WDR48: variants seen among roughly 807,000 people sequenced by gnomAD.
WDR48 encodes WD repeat-containing protein 48.
In WDR48, 22 loss-of-function variants were observed where a neutral mutation model predicts 94.0. The observed-to-expected ratio is 0.23, with a 90% confidence interval of 0.17 to 0.33. The LOEUF is 0.33. Ranked by LOEUF, WDR48 falls within the 10% of genes least tolerant of loss-of-function variation. The pLI, the probability that WDR48 is intolerant of heterozygous loss-of-function variation, is 1.00. For synonymous variants in WDR48, 278 were observed against 280.5 expected (o/e 0.99, Z 0.09); for missense variants, 541 against 813.8 (o/e 0.66, Z 4.08).
At position 39,063,138 on chromosome 3, in the gene WDR48, T is replaced by C. The variant is rs199705206; in HGVS notation, c.137T>C (p.Phe46Ser). Reference sequence around the variant, plus strand: ...CTGGATCCAGCACTAAATAGACTTTTCACAGCCGGTCGAGACTCTATCATA... The same window carrying C: ...CTGGATCCAGCACTAAATAGACTTTCCACAGCCGGTCGAGACTCTATCATA... ...LQLDPALNRL[F>S]TAGRDSIIRI... Residue 46 changes from phenylalanine (F) to serine (S), a missense_variant, in exon 2 of 19, where the codon TTC (phenylalanine) becomes TCC (serine). Phe to Ser is a radical substitution (Grantham distance 155). Transcript: ENST00000302313. The C allele has an allele frequency of 6.2e-7, 1 of 1,614,084 alleles. No homozygotes were observed. The highest frequency in any genetic ancestry group is 8.5e-7 in the Non-Finnish European group (1 of 1,179,992).
intron 1 of WDR48, among the ~76,000 whole-genome samples, chr3:39,053,824 A>G (rs2032663174): frequency 6.6e-6 from 1 of 152,200 alleles, no homozygotes; most frequent in African/African-American, 2.4e-5. Flanking sequence ...TTGGAAAAAC[A>G]GTGTTCCAAT....
intron 17 of WDR48, among the ~76,000 whole-genome samples, chr3:39,093,151 C>T (rs529026023): frequency 6.6e-6 from 1 of 152,242 alleles, no homozygotes; most frequent in East Asian, 1.9e-4. Flanking sequence ...GGTTGAGACT[C>T]AAGGTCTAGA....
intron 11 of WDR48, among the ~76,000 whole-genome samples, chr3:39,082,432 C>G (rs2034586981): frequency 6.6e-6 from 1 of 152,088 alleles, no homozygotes; most frequent in Admixed American, 6.6e-5. Flanking sequence ...CAGGCATGCA[C>G]CACCACATCG....
chr3:39,064,321 T>C (rs1479967443), intron 2 of WDR48, among the ~76,000 whole-genome samples: 1 of 151,484 alleles, frequency 6.6e-6, no homozygotes, highest in Non-Finnish European at 1.5e-5. Context: ...TCACCCAGGC[T>C]GGAGTGCAGT....
intron 14 of WDR48, 114 bp from the exon 15 acceptor site, chr3:39,088,014 T>G: frequency 2.1e-6 from 2 of 957,266 alleles, no homozygotes; most frequent in Non-Finnish European, 3.2e-6. Flanking sequence ...CTGGTGGACT[T>G]AGAGGACATT....
intron 2 of WDR48, among the ~76,000 whole-genome samples, chr3:39,064,606 C>T (rs932791159): frequency 6.6e-6 from 1 of 152,114 alleles, no homozygotes; most frequent in Non-Finnish European, 1.5e-5. Context: ...AAAATGGGCT[C>T]AGAGAAACCC....
At chr3:39,057,441 G>A (rs2125633460) in intron 1 of WDR48, among the ~76,000 whole-genome samples, 1 of 152,222 alleles carries the variant, frequency 6.6e-6, no homozygotes, top group South Asian at 2.1e-4. Context: ...TTTCATTACA[G>A]TCATTACTAT....
At chr3:39,052,369 G>T (rs559953517) in intron 1 of WDR48, 2 of 378,798 alleles carry the variant, frequency 5.3e-6, no homozygotes, top group African/African-American at 4.4e-5. Context: ...GGATAGGCTC[G>T]TTCCCCGCCC....
At chr3:39,078,754 C>G (rs866845034) in intron 10 of WDR48, among the ~76,000 whole-genome samples, 1 of 3,698 alleles carries the variant, frequency 2.7e-4, no homozygotes, top group African/African-American at 1.2e-3. Context: ...GTTAATGGGC[C>G]GGGCGCGGTG....
intron 8 of WDR48, among the ~76,000 whole-genome samples, chr3:39,075,437 G>A (rs1359537292): frequency 6.6e-6 from 1 of 152,130 alleles, no homozygotes; most frequent in Non-Finnish European, 1.5e-5. Flanking sequence ...GGTTTCAGGA[G>A]TAAGGAAGTG....
chr3:39,052,175 T>TGGGGCGAACGGGGC, intron 1 of WDR48, 102 bp downstream of exon 1: 1 of 1,459,588 alleles, frequency 6.9e-7, no homozygotes, highest in Non-Finnish European at 9.4e-7. Context: ...GGTAGCGGCA[T>TGGGGCGAACGGGGC]GGGGCGAACG....
At chr3:39,084,302 G>A in intron 12 of WDR48, 40 bp downstream of exon 12, 1 of 1,426,758 alleles carries the variant, frequency 7.0e-7, no homozygotes. Flanking sequence ...TGGGATAATT[G>A]AAGATTTTCA....
intron 2 of WDR48, 133 bp downstream of exon 2, chr3:39,063,323 T>G (rs907035266): frequency 8.7e-7 from 1 of 1,147,612 alleles, no homozygotes; most frequent in Admixed American, 2.9e-5. Context: ...TATAAAGACA[T>G]CGCAACCAGA....
intron 1 of WDR48, 93 bp downstream of exon 1, chr3:39,052,166 G>A: frequency 6.6e-7 from 1 of 1,520,310 alleles, no homozygotes; most frequent in Non-Finnish European, 9.0e-7. Flanking sequence ...ACCAGCTGGG[G>A]TAGCGGCATG....
chr3:39,094,659 A>G lies in WDR48; in HGVS notation c.1950A>G (p.Pro650=). The change falls in exon 19 of 19, where the codon CCA becomes CCG. Residue 650 remains proline, a synonymous_variant. Transcript: ENST00000302313. ...ELLCQDQVLD[P]NMDLRTVKHF... is the part of the protein sequence containing the mutation. ...TTTTGGCTATTCAGGTTTTGGATCC[A>G]AATATGGACCTTCGAACAGTGAAAC... 6.2e-7 allele frequency: 1 copy of G among 1,614,208 alleles called. No homozygotes were observed. Among genetic ancestry groups the G allele is most frequent in the Non-Finnish European group, 8.5e-7 (1 of 1,180,038 alleles).
Position 39,078,353 on chromosome 3 carries a change from G to T in WDR48, c.1075+114G>T, listed in dbSNP as rs1465956238. ...AAATATAATCCTGATGTAAACAAAA[G>T]ATAATACATTGGTTTATTTTTAATA... On this transcript the variant is annotated intron_variant, in intron 10 of 18. Coordinates refer to ENST00000302313, the MANE Select transcript of WDR48 (RefSeq NM_020839.4). 6.9e-6 allele frequency: 5 copies of T among 725,354 alleles called. No homozygotes were observed. The African/African-American group carries it at 9.2e-5, about 13-fold the overall frequency. 44.9% of individuals were successfully genotyped at this position (725,354 alleles called of 1,614,324 possible).
Position 39,077,175 on chromosome 3 carries a change from A to G in WDR48, c.934A>G (p.Ile312Val), listed in dbSNP as rs774504800. The stretch of plus-strand genomic sequence containing the variant: ...TAGATCAGCTGATCCTCCTCCTGCA[A>G]TTTGGGTTGCAACAACTAAGTCTAC... The part of the protein sequence containing the change: ...LDRSADPPPA[I>V]WVATTKSTVN... The change falls in exon 9 of 19, where the codon ATT becomes GTT. Residue 312 changes from isoleucine (I) to valine (V), a missense_variant. By Grantham distance (29) the Ile-to-Val change is conservative. This residue lies in a region of WDR48 where 238 missense variants were observed against 285.3 expected (regional missense o/e 0.83). Coordinates refer to ENST00000302313, the MANE Select transcript of WDR48 (RefSeq NM_020839.4). The G allele has an allele frequency of 1.4e-5, 22 of 1,614,054 alleles. No individual in the cohort carries two copies. Among genetic ancestry groups the G allele is most frequent in the South Asian group, 1.2e-4 (11 of 91,086 alleles).
In WDR48 at chr3:39,084,684, G is replaced by T. The variant is rs1429757480; in HGVS notation, c.1321G>T (p.Ala441Ser). 1.2e-6 allele frequency: 2 copies of T among 1,613,930 alleles called. No individual in the cohort carries two copies. Among genetic ancestry groups the T allele is most frequent in the Non-Finnish European group, 1.7e-6 (2 of 1,179,930 alleles). ...ITLDESDCFA[A>S]WVSAKDAGFS... ...TTTGGATGAAAGTGATTGTTTTGCT[G>T]CCTGGGTTTCTGCAAAAGATGCTGG... The change falls in exon 13 of 19, where the codon GCC becomes TCC. Residue 441 changes from alanine (A) to serine (S), a missense_variant. Transcript: ENST00000302313.
intron 11 of WDR48, among the ~76,000 whole-genome samples, chr3:39,081,111 C>T (rs2034512907): frequency 6.6e-6 from 1 of 151,848 alleles, no homozygotes; most frequent in South Asian, 2.1e-4. Flanking sequence ...GATTGGAGAT[C>T]TAAAGGAAGA....
Sources: gnomAD v4.1 joint callset for allele counts (sites outside exome capture counted in the v4.1 genomes callset) on GRCh38, gnomAD v4.1.1 for gene constraint, gnomAD v4.1.1 regional missense constraint, MANE v1.5 for transcripts, NCBI Gene and HGNC (gene_info 2026-07-23, HGNC 2026-07-21) for gene names.